CKAP5: variants seen among roughly 807,000 people sequenced by gnomAD.
CKAP5 encodes the protein cytoskeleton associated protein 5, also known as cytoskeleton-associated protein 5.
In CKAP5, 27 loss-of-function variants were observed where a neutral mutation model predicts 232.8. That is an observed-to-expected ratio of 0.12 (90% CI 0.09 to 0.16). The LOEUF (loss-of-function observed/expected upper bound fraction) is 0.16. Among genes scored for constraint, CKAP5 ranks in the 10% least tolerant of loss-of-function variants. The pLI, the probability that CKAP5 is intolerant of heterozygous loss-of-function variation, is 1.00. For missense variants in CKAP5, 1,838 were observed against 2,424.7 expected, an observed-to-expected ratio of 0.76 and a Z score of 5.08; for synonymous variants, 785 against 841.1, an observed-to-expected ratio of 0.93 and a Z score of 1.16.
chr11:46,836,207 A>C (rs1374790966), intron 1 of CKAP5, among the ~76,000 whole-genome samples: 1 of 152,220 alleles, frequency 6.6e-6, no homozygotes, highest in African/African-American at 2.4e-5. Context: ...GTTGAAACAC[A>C]AACAGAATCT....
intron 37 of CKAP5, 126 bp downstream of exon 37, chr11:46,753,184 G>GTGT (rs2065083093): frequency 2.9e-6 from 2 of 679,928 alleles, no homozygotes; most frequent in South Asian, 4.1e-5. Context: ...ATAACTTTAA[G>GTGT]TGTGCCTAGG....
intron 1 of CKAP5, among the ~76,000 whole-genome samples, chr11:46,822,695 G>A (rs1435643748): frequency 2.8e-5 from 4 of 140,428 alleles, no homozygotes; most frequent in Non-Finnish European, 6.1e-5. Flanking sequence ...AGCTTGCAGT[G>A]AGCCGAGATC....
intron 18 of CKAP5, among the ~76,000 whole-genome samples, chr11:46,782,732 A>G (rs1220956902): frequency 1.3e-5 from 2 of 152,260 alleles, no homozygotes; most frequent in Non-Finnish European, 2.9e-5. Context: ...TAGGGATAAT[A>G]TAATACCTCG....
chr11:46,777,558 T>G lies in CKAP5; in HGVS notation c.2749-6A>C. 1.9e-6 allele frequency: 3 copies of G among 1,578,388 alleles called. No individual in the cohort carries two copies. The highest frequency in any genetic ancestry group is 1.3e-5 in the African/African-American group (1 of 74,294). On this transcript the variant is annotated splice_region_variant and splice_polypyrimidine_tract_variant and intron_variant, in intron 22 of 43. Coordinates refer to ENST00000529230, the MANE Select transcript of CKAP5 (RefSeq NM_001008938.4). Reference sequence around the variant, plus strand: ...ATATTCAGCGTTTGCTGTACCTGAGTGGAAAGAGCCAATACTTTATGTTGA... The same window carrying G: ...ATATTCAGCGTTTGCTGTACCTGAGGGGAAAGAGCCAATACTTTATGTTGA...
At chr11:46,811,634 G>A (rs1416398060) in intron 4 of CKAP5, among the ~76,000 whole-genome samples, 1 of 151,928 alleles carries the variant, frequency 6.6e-6, no homozygotes, top group African/African-American at 2.4e-5. Flanking sequence ...GCGCCACCAC[G>A]CCCAGCAAAT....
rs576280504 is a variant in CKAP5 at position 46,837,306 on chromosome 11, C to G, written c.-38+8914G>C. ...TGATAATGGATCAGAATTGGAGACA[C>G]CAGTAGGAACTCATGTTTTTCCCCC... On this transcript the variant is annotated intron_variant, in intron 1 of 43. Coordinates refer to ENST00000529230, the MANE Select transcript of CKAP5 (RefSeq NM_001008938.4). Among the ~76,000 whole-genome samples the G allele has an allele frequency of 2.0e-5, 3 of 152,096 alleles. No homozygotes were observed. In the South Asian group the frequency reaches 6.2e-4, roughly 32 times the overall value.
At chr11:46,778,086 T>C (rs2065305951) in intron 22 of CKAP5, 53 bp downstream of exon 22, 1 of 1,472,426 alleles carries the variant, frequency 6.8e-7, no homozygotes, top group Admixed American at 2.0e-5. Flanking sequence ...AAAAGGTAAC[T>C]CCTGCAGCAG....
At chr11:46,757,218 C>T (rs1009194752) in intron 35 of CKAP5, among the ~76,000 whole-genome samples, 2 of 151,862 alleles carry the variant, frequency 1.3e-5, no homozygotes, top group Non-Finnish European at 2.9e-5. Flanking sequence ...ATCACCCTGA[C>T]GCAGTGGCTC....
chr11:46,748,550 G>A (rs1217536178), intron 42 of CKAP5, among the ~76,000 whole-genome samples: 2 of 152,044 alleles, frequency 1.3e-5, no homozygotes, highest in Non-Finnish European at 2.9e-5. Flanking sequence ...CGAAGTGGGC[G>A]GATCACGAGG....
At position 46,816,204 on chromosome 11, in the gene CKAP5, G is replaced by C. The variant is rs571200132; in HGVS notation, c.452C>G (p.Ala151Gly). ...IVACIETLRK[A>G]LSEFGSKIIL... ...AGCTAAAACAAAGTCTTACCTTAAG[G>C]CTTTCCTCAGTGTCTCTATACAGGC... Residue 151 changes from alanine to glycine, a missense_variant, in exon 4 of 44, where the codon GCC becomes GGC. By Grantham distance (60) the Ala-to-Gly change is moderately conservative (BLOSUM62 0). Coordinates refer to ENST00000529230, the MANE Select transcript of CKAP5 (RefSeq NM_001008938.4). The C allele has an allele frequency of 6.2e-7, 1 of 1,612,910 alleles. No individual in the cohort carries two copies. Among genetic ancestry groups the C allele is most frequent in the Non-Finnish European group, 8.5e-7 (1 of 1,179,094 alleles).
intron 24 of CKAP5, among the ~76,000 whole-genome samples, chr11:46,772,731 CTCTT>C (rs1488261644): frequency 6.8e-6 from 1 of 146,278 alleles, no homozygotes; most frequent in Non-Finnish European, 1.5e-5. Context: ...AAAGTGATTC[CTCTT>C]TTTTTTTTTT....
At chr11:46,765,756 C>G (rs1280102337) in intron 27 of CKAP5, among the ~76,000 whole-genome samples, 1 of 152,020 alleles carries the variant, frequency 6.6e-6, no homozygotes, top group Non-Finnish European at 1.5e-5. Context: ...AGGCGCCCAC[C>G]ACCACCCCTG....
intron 40 of CKAP5, 104 bp from the exon 41 acceptor site, chr11:46,750,715 T>C (rs924161946): frequency 2.1e-5 from 18 of 868,886 alleles, no homozygotes; most frequent in Admixed American, 1.3e-4. Context: ...TGGGCCTTAT[T>C]GGTATGTTCC....
intron 1 of CKAP5, among the ~76,000 whole-genome samples, chr11:46,845,225 T>C (rs1192416246): frequency 6.6e-6 from 1 of 151,612 alleles, no homozygotes; most frequent in African/African-American, 2.4e-5. Context: ...TAAAAATGAG[T>C]TTTCAATTAC....
chr11:46,821,219 T>G lies in CKAP5; in HGVS notation c.13A>C (p.Ser5Arg), dbSNP rs1306890780. Reference sequence around the variant, plus strand: ...TCAACTGGCAGTTTCAACCACTCACTGTCATCTCCCATTGTGCTTCCAGGT... The same window carrying G: ...TCAACTGGCAGTTTCAACCACTCACGGTCATCTCCCATTGTGCTTCCAGGT... MGDD[S>R]EWLKLPVDQK... is the part of the protein sequence containing the mutation. Residue 5 changes from serine to arginine, a missense_variant, in exon 2 of 44, where the codon AGT (serine) becomes CGT (arginine). Ser to Arg is a moderately radical substitution (Grantham distance 110). This residue lies in a region of CKAP5 where 285 missense variants were observed against 300.0 expected (regional missense o/e 0.95). Coordinates refer to ENST00000529230, the MANE Select transcript of CKAP5 (RefSeq NM_001008938.4). 6.2e-7 allele frequency: 1 copy of G among 1,612,584 alleles called. No homozygotes were observed. Among genetic ancestry groups the G allele is most frequent in the African/African-American group, 1.3e-5 (1 of 74,914 alleles).
At chr11:46,773,861 T>C (rs1472880450) in intron 24 of CKAP5, among the ~76,000 whole-genome samples, 1 of 152,108 alleles carries the variant, frequency 6.6e-6, no homozygotes, top group Non-Finnish European at 1.5e-5. Context: ...TATGTTCTGA[T>C]TAAAACCTCT....
At position 46,750,515 on chromosome 11, in the gene CKAP5, C is replaced by G; in HGVS notation, c.5544+13G>C. 1 of 1,612,862 alleles carries G rather than the reference C, an allele frequency of 6.2e-7. No individual in the cohort carries two copies. Among genetic ancestry groups the G allele is most frequent in the Non-Finnish European group, 8.5e-7 (1 of 1,179,008 alleles). The stretch of plus-strand genomic sequence containing the variant: ...AAGCAGACCCCTATTCTGCTTAACC[C>G]TTTCACTCTCACCTCTTTAGTGTTT... On this transcript the variant is annotated intron_variant, in intron 41 of 43. Transcript: ENST00000529230.
intron 26 of CKAP5, among the ~76,000 whole-genome samples, chr11:46,768,561 T>C (rs2065223130): frequency 6.6e-6 from 1 of 152,206 alleles, no homozygotes. Flanking sequence ...ACTGAATATG[T>C]ACTTTAATAA....
intron 8 of CKAP5, 128 bp downstream of exon 8, chr11:46,807,903 C>A: frequency 1.7e-6 from 1 of 601,208 alleles, no homozygotes; most frequent in Non-Finnish European, 2.9e-6. Context: ...AAATGTATGT[C>A]TGTAATTCAA....
Sources: allele counts gnomAD v4.1 joint callset (sites outside exome capture counted in the v4.1 genomes callset), GRCh38; gene constraint gnomAD v4.1.1; regional missense constraint gnomAD v4.1.1; transcripts MANE v1.5; gene names NCBI Gene and HGNC (gene_info 2026-07-23, HGNC 2026-07-21).